The following TMEM164 variants were observed in gnomAD, a reference collection of about 807,000 sequenced individuals.
TMEM164 encodes the protein transmembrane protein 164.
TMEM164 carries 4 observed loss-of-function variants against 18.8 expected under a neutral mutation model. That is an observed-to-expected ratio of 0.21 (90% CI 0.10 to 0.49). TMEM164 has a LOEUF of 0.49. Among genes scored for constraint, TMEM164 ranks in the 20% least tolerant of loss-of-function variants. The pLI, the probability that TMEM164 is intolerant of heterozygous loss-of-function variation, is 0.98. For synonymous variants in TMEM164, 86 were observed against 101.7 expected (o/e 0.85, Z 0.93); for missense variants, 108 against 239.9 (o/e 0.45, Z 3.63).
At chrX:110,131,484 G>A (rs924252627) in intron 4 of TMEM164, among the ~76,000 whole-genome samples, 1 of 111,302 alleles carries the variant, frequency 9.0e-6, no homozygotes, top group African/African-American at 3.3e-5. Flanking sequence ...AAATTTTCTG[G>A]GTGGAATCTG....
intron 3 of TMEM164, among the ~76,000 whole-genome samples, chrX:110,084,377 A>ACTATATATATAT (rs1466329685): frequency 1.6e-4 from 3 of 19,184 alleles, no homozygotes; most frequent in African/African-American, 1.5e-3. Flanking sequence ...GTATATATAT[A>ACTATATATATAT]GTGTATATAT....
At chrX:110,080,255 T>C (rs1208634363) in intron 3 of TMEM164, among the ~76,000 whole-genome samples, 2 of 111,961 alleles carry the variant, frequency 1.8e-5, no homozygotes, top group Non-Finnish European at 3.8e-5. Context: ...GTGCTGAAAA[T>C]TTGAAATCCA....
chrX:110,175,015 T>C lies in TMEM164; in HGVS notation c.*1564T>C, dbSNP rs1245473635. On this transcript the variant is annotated 3_prime_UTR_variant, in exon 7 of 7. Coordinates refer to ENST00000372068, the MANE Select transcript of TMEM164 (RefSeq NM_032227.4). ...GAAGCAACCCTGGGAGGGACCGTCC[T>C]TCTGCAGAGGCCTGCGGGCATTGAG... 2 of 112,260 alleles carry C rather than the reference T, an allele frequency of 1.8e-5. No individual in the cohort carries two copies. The highest frequency in any genetic ancestry group is 6.5e-5 in the African/African-American group (2 of 30,887). The allele number at this position is 112,260 out of a possible 1,213,427, so 9.3% of individuals were successfully genotyped here.
intron 2 of TMEM164, among the ~76,000 whole-genome samples, chrX:110,045,552 C>T (rs1935283047): frequency 1.8e-5 from 2 of 111,923 alleles, no homozygotes; most frequent in Admixed American, 1.9e-4. Flanking sequence ...GTGCCAGAGA[C>T]CCTGCCTCCC....
At chrX:110,077,753 T>A (rs934496684) in intron 3 of TMEM164, among the ~76,000 whole-genome samples, 26 of 112,070 alleles carry the variant, frequency 2.3e-4, no homozygotes, top group Admixed American at 1.4e-3. Context: ...GTTTGGAATT[T>A]ATTTTTTCTA....
In TMEM164 at chrX:110,100,547, A is replaced by G. The variant is rs1231540086; in HGVS notation, c.441-8533A>G. On this transcript the variant is annotated intron_variant, in intron 3 of 6. Coordinates refer to ENST00000372068, the MANE Select transcript of TMEM164 (RefSeq NM_032227.4). ...ATTGAACTAACCTTGTGTTACCAGG[A>G]GAAAACGCACTTGGTCATAGAGTAT... Among the ~76,000 whole-genome samples, 3 of 110,977 alleles carry G rather than the reference A, an allele frequency of 2.7e-5. No homozygotes were observed. The Admixed American group carries it at 2.9e-4, about 11-fold the overall frequency.
At chrX:110,055,664 TATGTGAGGGTTG>T (rs1193846646) in intron 2 of TMEM164, among the ~76,000 whole-genome samples, 2 of 111,588 alleles carry the variant, frequency 1.8e-5, no homozygotes, top group East Asian at 5.7e-4. Flanking sequence ...AAGTGCCTAC[TATGTGAGGGTTG>T]AAGAACAGGG....
At position 110,159,464 on chromosome X, in the gene TMEM164, A is replaced by G. The variant is rs765008109; in HGVS notation, c.587-11956A>G. Among the ~76,000 whole-genome samples the G allele has an allele frequency of 3.6e-5, 4 of 110,855 alleles. No individual in the cohort carries two copies. The South Asian group carries it at 1.5e-3, about 43-fold the overall frequency. Reference sequence around the variant, plus strand: ...AGAGGCGGGGCAGTTCAAAGTGATGACAGAAGGCAGGTTGTGGTTAGTGCG... The same window carrying G: ...AGAGGCGGGGCAGTTCAAAGTGATGGCAGAAGGCAGGTTGTGGTTAGTGCG... On this transcript the variant is annotated intron_variant, in intron 5 of 6. Coordinates refer to ENST00000372068, the MANE Select transcript of TMEM164 (RefSeq NM_032227.4).
At chrX:110,126,824 G>A (rs2066537739) in intron 4 of TMEM164, among the ~76,000 whole-genome samples, 1 of 98,276 alleles carries the variant, frequency 1.0e-5, no homozygotes, top group African/African-American at 4.2e-5. Flanking sequence ...GTGTGTGTGT[G>A]TGTGTGTGTG....
intron 2 of TMEM164, among the ~76,000 whole-genome samples, chrX:110,037,581 G>A (rs1262894221): frequency 8.9e-6 from 1 of 111,863 alleles, no homozygotes; most frequent in Non-Finnish European, 1.9e-5. Flanking sequence ...GAGAATGGCC[G>A]CCTATGTGAC....
At chrX:110,005,410 TG>T (rs1281748221) in intron 2 of TMEM164, among the ~76,000 whole-genome samples, 1 of 111,712 alleles carries the variant, frequency 9.0e-6, no homozygotes, top group Non-Finnish European at 1.9e-5. Flanking sequence ...GGCAGTCCTG[TG>T]GGAAGACTCA....
chrX:110,023,376 C>T (rs907966541), intron 2 of TMEM164, among the ~76,000 whole-genome samples: 5 of 109,739 alleles, frequency 4.6e-5, no homozygotes, highest in Non-Finnish European at 9.5e-5. Flanking sequence ...AGGTGCCTGT[C>T]CTTATGGGTG....
intron 2 of TMEM164, chrX:110,055,436 C>T (rs1214587418): frequency 1.0e-5 from 2 of 195,160 alleles, no homozygotes; most frequent in African/African-American, 3.1e-5. Flanking sequence ...CAACTGTACT[C>T]GGCGGCCCTG....
intron 3 of TMEM164, among the ~76,000 whole-genome samples, chrX:110,082,460 C>T (rs1409563595): frequency 2.7e-5 from 3 of 111,703 alleles, no homozygotes; most frequent in Non-Finnish European, 5.6e-5. Context: ...CTACCAGTGC[C>T]GTTGACATCC....
At chrX:110,004,267 A>G (rs368315290) in intron 2 of TMEM164, 103 bp downstream of exon 2, 3 of 993,216 alleles carry the variant, frequency 3.0e-6, no homozygotes, top group East Asian at 3.1e-5. Context: ...GGGCAGGGGG[A>G]CCTTTAAAAA....
intron 3 of TMEM164, among the ~76,000 whole-genome samples, chrX:110,084,970 T>C (rs1056504459): frequency 6.3e-5 from 7 of 110,857 alleles, no homozygotes; most frequent in Non-Finnish European, 1.3e-4. Context: ...TCCTTCTCAA[T>C]GTTTTATTCT....
chrX:110,130,447 A>G (rs912948079), intron 4 of TMEM164, among the ~76,000 whole-genome samples: 1 of 111,950 alleles, frequency 8.9e-6, no homozygotes, highest in Non-Finnish European at 1.9e-5. Flanking sequence ...CATACTAAGT[A>G]TTAAGACAAT....
At chrX:110,074,673 C>T (rs961064360) in intron 3 of TMEM164, among the ~76,000 whole-genome samples, 16 of 111,807 alleles carry the variant, frequency 1.4e-4, no homozygotes, top group Admixed American at 1.2e-3. Flanking sequence ...TTCTTGTGCA[C>T]GTGTATAGCC....
intron 2 of TMEM164, among the ~76,000 whole-genome samples, chrX:110,009,506 A>G (rs1602463216): frequency 9.0e-6 from 1 of 111,220 alleles, no homozygotes; most frequent in African/African-American, 3.3e-5. Flanking sequence ...TTTCTCCACC[A>G]TTAGTGGGAA....
Sources: gnomAD v4.1 joint callset for allele counts (sites outside exome capture counted in the v4.1 genomes callset) on GRCh38, gnomAD v4.1.1 for gene constraint, MANE v1.5 for transcripts, NCBI Gene and HGNC (gene_info 2026-07-23, HGNC 2026-07-21) for gene names.